Variants in CLTC observed in about 807,000 individuals in gnomAD.
CLTC encodes clathrin heavy chain, also known as clathrin heavy chain 1.
Under a neutral mutation model 195.8 loss-of-function variants are expected in CLTC, and 16 were observed. The ratio of observed to expected loss-of-function variants is 0.08; its 90% CI spans 0.06 to 0.12. The LOEUF (loss-of-function observed/expected upper bound fraction) is 0.12, where lower values mean the gene tolerates loss of function less well. Ranked by LOEUF, CLTC falls within the 10% of genes least tolerant of loss-of-function variation. CLTC has a pLI of 1.00. For synonymous variants in CLTC, 667 were observed against 689.4 expected (o/e 0.97, Z 0.51); for missense variants, 796 against 2,027.0 (o/e 0.39, Z 11.66).
intron 1 of CLTC, among the ~76,000 whole-genome samples, chr17:59,634,531 G>T (rs60321184): frequency 0.041 from 6,314 of 152,174 alleles, 352 homozygotes; most frequent in African/African-American, 0.13. Context: ...TGAGTCTCCT[G>T]GTAGTTTACC....
intron 1 of CLTC, among the ~76,000 whole-genome samples, chr17:59,623,508 A>G (rs570600047): frequency 3.3e-5 from 5 of 152,370 alleles, no homozygotes; most frequent in Admixed American, 2.6e-4. Context: ...GTAGAACACA[A>G]TCATTTTCAT....
Position 59,683,070 on chromosome 17 carries a change from T to G in CLTC, c.3874-25T>G. Reference sequence around the variant, plus strand: ...TCTTTTACCATAGATATTCTTATCTTTAACTGCACATTTCTCTTGTTCAGG... The same window carrying G: ...TCTTTTACCATAGATATTCTTATCTGTAACTGCACATTTCTCTTGTTCAGG... On this transcript the variant is annotated intron_variant, in intron 24 of 31. Transcript: ENST00000269122. The surrounding 1 kb of genome is among the most constrained non-coding windows in gnomAD (Gnocchi z 6.1). The G allele has an allele frequency of 6.2e-7, 1 of 1,613,930 alleles. No individual in the cohort carries two copies. The highest frequency in any genetic ancestry group is 8.5e-7 in the Non-Finnish European group (1 of 1,179,870).
intron 1 of CLTC, among the ~76,000 whole-genome samples, chr17:59,640,699 G>A (rs2032003949): frequency 2.0e-5 from 3 of 151,346 alleles, no homozygotes; most frequent in African/African-American, 4.8e-5. Flanking sequence ...ACGCCCAGCC[G>A]AAGTTCCTGT....
Position 59,681,532 on chromosome 17 carries a change from G to T in CLTC, c.3249+54G>T. 6.3e-7 allele frequency: 1 copy of T among 1,589,192 alleles called. No individual in the cohort carries two copies. Among genetic ancestry groups the T allele is most frequent in the Middle Eastern group, 1.7e-4 (1 of 5,984 alleles). On this transcript the variant is annotated intron_variant, in intron 20 of 31. Transcript: ENST00000269122. The surrounding 1 kb of genome is among the most constrained non-coding windows in gnomAD (Gnocchi z 5.0). ...TACTAAACACTGTGCTATGAGGGTG[G>T]GCCTAATTGGTTGCTACGGCAATAG... is the stretch of plus-strand genomic sequence containing the variant.
At chr17:59,659,956 A>G (rs1286887054) in intron 6 of CLTC, among the ~76,000 whole-genome samples, 2 of 152,204 alleles carry the variant, frequency 1.3e-5, no homozygotes, top group Non-Finnish European at 2.9e-5. Flanking sequence ...TGTCATTTAG[A>G]TATCATAGCT....
Position 59,682,887 on chromosome 17 carries a change from A to G in CLTC, c.3766-20A>G. The G allele has an allele frequency of 1.2e-6, 2 of 1,613,224 alleles. No homozygotes were observed. Among genetic ancestry groups the G allele is most frequent in the Non-Finnish European group, 1.7e-6 (2 of 1,179,492 alleles). ...CCATGTTTTACATTTGAGTTCACAG[A>G]AAGGAAATGTTTATTCTAGGTCTGC... On this transcript the variant is annotated intron_variant, in intron 23 of 31. Transcript: ENST00000269122. This position sits in a 1 kb window ranked among gnomAD's most constrained non-coding sequence, Gnocchi z 6.8.
intron 2 of CLTC, among the ~76,000 whole-genome samples, chr17:59,646,620 T>C (rs1016306835): frequency 1.3e-5 from 2 of 152,220 alleles, no homozygotes; most frequent in African/African-American, 4.8e-5. Flanking sequence ...AATCACATTT[T>C]GAACTGATGG....
In CLTC at chr17:59,677,076, G is replaced by T. The variant is rs984578159; in HGVS notation, c.2684G>T (p.Arg895Leu). 6.2e-7 allele frequency: 1 copy of T among 1,614,056 alleles called. No homozygotes were observed. The highest frequency in any genetic ancestry group is 8.5e-7 in the Non-Finnish European group (1 of 1,180,002). ...AATAACAACCCGGAGAGATTTCTTC[G>T]TGAAAATCCCTACTATGACAGTCGC... ...DSNNNPERFL[R>L]ENPYYDSRVV... is the part of the protein sequence containing the mutation. Residue 895 changes from arginine to leucine, a missense_variant, in exon 17 of 32, where the codon CGT becomes CTT. This residue lies in a region of CLTC where 160 missense variants were observed against 448.2 expected (regional missense o/e 0.36). Transcript: ENST00000269122.
At chr17:59,643,683 T>C (rs2032108758) in intron 1 of CLTC, among the ~76,000 whole-genome samples, 2 of 152,204 alleles carry the variant, frequency 1.3e-5, no homozygotes, top group Admixed American at 1.3e-4. Context: ...ACATGCTCTT[T>C]CTGTTGAGAA....
chr17:59,629,496 G>A (rs2031648268), intron 1 of CLTC, among the ~76,000 whole-genome samples: 3 of 151,384 alleles, frequency 2.0e-5, no homozygotes, highest in South Asian at 2.1e-4. Context: ...CAGTCCATTC[G>A]GGCATGTTTC....
Position 59,676,805 on chromosome 17 carries a change from G to C in CLTC, c.2562-149G>C. 4.7e-6 allele frequency: 3 copies of C among 643,618 alleles called. No individual in the cohort carries two copies. In the South Asian group the frequency reaches 5.7e-5, roughly 12 times the overall value. 39.9% of individuals were successfully genotyped at this position (643,618 alleles called of 1,614,324 possible). On this transcript the variant is annotated intron_variant, in intron 16 of 31. Transcript: ENST00000269122. The stretch of plus-strand genomic sequence containing the variant: ...GGCTGTGAATAGCCACTGCACTTCA[G>C]CCTGGACAATGTAGCAATACTCGGG...
intron 1 of CLTC, among the ~76,000 whole-genome samples, chr17:59,624,282 G>A (rs528957332): frequency 6.6e-6 from 1 of 152,158 alleles, no homozygotes; most frequent in African/African-American, 2.4e-5. Flanking sequence ...CTTAAAAAAA[G>A]AAGTTATACA....
rs2033431084 is a variant in CLTC, at chr17:59,696,552, A to ATCTT, written c.*2700_*2701insTCTT. On this transcript the variant is annotated 3_prime_UTR_variant, in exon 32 of 32. Coordinates refer to ENST00000269122, the MANE Select transcript of CLTC (RefSeq NM_004859.4). Reference sequence around the variant, plus strand: ...AATAGTTTCTAACAAGATGACTATCAGGAAGCTATGTGGCTTGGGGAGTTG... The same window carrying ATCTT: ...AATAGTTTCTAACAAGATGACTATCATCTTGGAAGCTATGTGGCTTGGGGAGTTG... The ATCTT allele has an allele frequency of 9.4e-6, 2 of 212,024 alleles. No individual in the cohort carries two copies. Among genetic ancestry groups the ATCTT allele is most frequent in the Admixed American group, 1.2e-4 (2 of 17,080 alleles). 13.1% of individuals were successfully genotyped at this position (212,024 alleles called of 1,614,324 possible).
In CLTC at chr17:59,680,989, C is replaced by T; in HGVS notation, c.2997C>T (p.Asp999=). The T allele has an allele frequency of 6.2e-7, 1 of 1,613,834 alleles. No individual in the cohort carries two copies. The part of the protein sequence containing the change: ...SVTVKAFMTA[D]LPNELIELLE... Reference sequence around the variant, plus strand: ...CTGTAAAGGCTTTCATGACTGCAGACCTTCCTAATGAACTCATTGAACTGC... The same window carrying T: ...CTGTAAAGGCTTTCATGACTGCAGATCTTCCTAATGAACTCATTGAACTGC... The change falls in exon 19 of 32, where the codon GAC becomes GAT. Residue 999 remains aspartate, a synonymous_variant. Coordinates refer to ENST00000269122, the MANE Select transcript of CLTC (RefSeq NM_004859.4).
At chr17:59,687,473 A>G (rs2033208421) in intron 30 of CLTC, among the ~76,000 whole-genome samples, 1 of 151,396 alleles carries the variant, frequency 6.6e-6, no homozygotes, top group African/African-American at 2.4e-5. Context: ...ACATGCCCTA[A>G]AAGGCTTTTT....
rs896071238 is a variant in CLTC at position 59,684,420 on chromosome 17, TTCTC to T, written c.4434+441_4434+444del. The stretch of plus-strand genomic sequence containing the variant: ...TTAAGCTTAAGCTACTTGCCTTTTT[TTCTC>T]TCTCTTCATTTTCTTTGAGGCTCAG... On this transcript the variant is annotated intron_variant, in intron 28 of 31. Transcript: ENST00000269122. The T allele has an allele frequency of 1.0e-3, 176 of 170,764 alleles. 1 individual carries two copies. Among genetic ancestry groups the T allele is most frequent in the Admixed American group, 6.3e-3 (109 of 17,188 alleles). The allele number at this position is 170,764 out of a possible 1,614,324, so 10.6% of individuals were successfully genotyped here.
chr17:59,686,968 T>G, intron 30 of CLTC: 1 of 987,496 alleles, frequency 1.0e-6, no homozygotes, highest in South Asian at 4.7e-5. Flanking sequence ...ATTGATTTTT[T>G]TTCTAAGCTG....
chr17:59,671,268 C>T (rs1419397774), intron 14 of CLTC: 2 of 152,158 alleles, frequency 1.3e-5, no homozygotes, highest in Non-Finnish European at 2.9e-5. Flanking sequence ...TAAGATGCAA[C>T]TATCACATTC....
chr17:59,671,649 CT>C (rs2032850609), intron 14 of CLTC, among the ~76,000 whole-genome samples: 1 of 152,160 alleles, frequency 6.6e-6, no homozygotes, highest in African/African-American at 2.4e-5. Flanking sequence ...CCATGATCTG[CT>C]CCTTGCTACC....
Sources: gnomAD v4.1 joint callset for allele counts (sites outside exome capture counted in the v4.1 genomes callset) on GRCh38, gnomAD v4.1.1 for gene constraint, gnomAD v4.1.1 regional missense constraint, Gnocchi (gnomAD v3.1) non-coding constraint, MANE v1.5 for transcripts, NCBI Gene and HGNC (gene_info 2026-07-23, HGNC 2026-07-21) for gene names.